NCALD: variants seen among roughly 807,000 people sequenced by gnomAD.
NCALD encodes the protein neurocalcin delta.
NCALD carries 10 observed loss-of-function variants against 18.6 expected under a neutral mutation model. The observed-to-expected ratio is 0.54, with a 90% CI of 0.33 to 0.91. The LOEUF is 0.91. NCALD is among the 40% of genes least tolerant of loss of function. The pLI is 0.03. For missense variants in NCALD, 184 were observed against 247.6 expected (o/e 0.74, Z 1.72); for synonymous variants, 88 against 87.4 (o/e 1.01, Z -0.04).
At chr8:101,765,778 A>C (rs1172756115) in intron 1 of NCALD, among the ~76,000 whole-genome samples, 2 of 152,242 alleles carry the variant, frequency 1.3e-5, no homozygotes, top group East Asian at 3.9e-4. Flanking sequence ...CAGCCATTTC[A>C]ATTAGTGCCA....
intron 2 of NCALD, among the ~76,000 whole-genome samples, chr8:102,012,287 G>C (rs960702923): frequency 6.6e-6 from 1 of 152,194 alleles, no homozygotes; most frequent in Non-Finnish European, 1.5e-5. Context: ...ACAAGCAACT[G>C]ATTGGACAGC....
chr8:101,731,199 GGAGGGTAT>G (rs1226622783), intron 1 of NCALD, among the ~76,000 whole-genome samples: 1 of 152,146 alleles, frequency 6.6e-6, no homozygotes, highest in African/African-American at 2.4e-5. Flanking sequence ...TGGCTAGAGT[GGAGGGTAT>G]GAGGGTATGA....
chr8:102,062,571 A>G (rs1823882769), intron 1 of NCALD, among the ~76,000 whole-genome samples: 1 of 152,198 alleles, frequency 6.6e-6, no homozygotes, highest in African/African-American at 2.4e-5. Flanking sequence ...TATTGCCACA[A>G]CAATGCTGTG....
chr8:102,099,604 A>T (rs568762384), intron 1 of NCALD, among the ~76,000 whole-genome samples: 1 of 150,792 alleles, frequency 6.6e-6, no homozygotes, highest in South Asian at 2.1e-4. Flanking sequence ...AGATAATGAC[A>T]TTTAGGTTGA....
At chr8:101,938,004 T>G (rs1171407896) in intron 2 of NCALD, among the ~76,000 whole-genome samples, 3 of 152,192 alleles carry the variant, frequency 2.0e-5, no homozygotes, top group Non-Finnish European at 4.4e-5. Flanking sequence ...AAGATGTTTC[T>G]GAAATCCACA....
intron 4 of NCALD, among the ~76,000 whole-genome samples, chr8:101,885,010 T>C (rs1418449920): frequency 6.6e-6 from 1 of 152,172 alleles, no homozygotes. Context: ...GCTCCCAGGC[T>C]AAAAGGGCTA....
chr8:102,035,874 C>T (rs569980124), intron 1 of NCALD, among the ~76,000 whole-genome samples: 5 of 152,238 alleles, frequency 3.3e-5, no homozygotes, highest in Admixed American at 2.0e-4. Context: ...AACCCTTTCC[C>T]CAACTAACTG....
At chr8:101,831,356 G>C (rs1007839549) in intron 4 of NCALD, among the ~76,000 whole-genome samples, 1 of 152,054 alleles carries the variant, frequency 6.6e-6, no homozygotes, top group Non-Finnish European at 1.5e-5. Flanking sequence ...TACTGCTTGG[G>C]AAGATCTACC....
At chr8:102,053,489 G>A (rs532467577) in intron 1 of NCALD, among the ~76,000 whole-genome samples, 13 of 152,212 alleles carry the variant, frequency 8.5e-5, no homozygotes, top group Admixed American at 2.6e-4. Context: ...AGCATTTTCC[G>A]TGTGTGATTC....
intron 2 of NCALD, among the ~76,000 whole-genome samples, chr8:101,994,607 G>T (rs1192104799): frequency 1.3e-5 from 2 of 152,250 alleles, no homozygotes; most frequent in South Asian, 4.1e-4. Flanking sequence ...CTGAGGAGAA[G>T]CAGCAGGGCA....
At chr8:101,772,291 G>A (rs1404685348) in intron 1 of NCALD, among the ~76,000 whole-genome samples, 3 of 152,168 alleles carry the variant, frequency 2.0e-5, no homozygotes, top group Non-Finnish European at 4.4e-5. Flanking sequence ...TAGCAAATAT[G>A]TTTATCCTGG....
chr8:102,102,260 CAATT>C (rs1403140558), intron 1 of NCALD, among the ~76,000 whole-genome samples: 2 of 152,302 alleles, frequency 1.3e-5, no homozygotes, highest in East Asian at 1.9e-4. Flanking sequence ...CCTCCTGTCA[CAATT>C]AACGCTCCAC....
chr8:101,944,597 C>T (rs1196566114), intron 2 of NCALD, among the ~76,000 whole-genome samples: 1 of 152,186 alleles, frequency 6.6e-6, no homozygotes, highest in Admixed American at 6.5e-5. Flanking sequence ...TGCCCTATAC[C>T]TGTATCACCT....
intron 3 of NCALD, among the ~76,000 whole-genome samples, chr8:101,911,547 G>A (rs915955039): frequency 3.3e-5 from 5 of 151,720 alleles, no homozygotes; most frequent in African/African-American, 4.8e-5. Flanking sequence ...CAGTAGAGAT[G>A]GGGTTTCGCC....
intron 1 of NCALD, among the ~76,000 whole-genome samples, chr8:101,774,710 T>C (rs545948899): frequency 6.6e-6 from 1 of 152,316 alleles, no homozygotes; most frequent in Admixed American, 6.5e-5. Flanking sequence ...TGAGAAGATC[T>C]ACCCAAGGCA....
In NCALD at chr8:101,890,909, A is replaced by G. The variant is rs1816850144; in HGVS notation, c.-106-3682T>C. 2.6e-5 allele frequency among the ~76,000 whole-genome samples: 4 copies of G among 152,248 alleles called. No homozygotes were observed. In the South Asian group the frequency reaches 8.3e-4, roughly 32 times the overall value. On this transcript the variant is annotated intron_variant, in intron 3 of 6. Coordinates refer to the NCALD transcript ENST00000311028. ...GATTTAACACAAATGTCCATCAACA[A>G]GAGAACAAGGAAATAACTTGAGTGA...
chr8:101,871,829 C>T (rs1012642802), intron 4 of NCALD: 4 of 459,398 alleles, frequency 8.7e-6, no homozygotes, highest in African/African-American at 7.9e-5. Context: ...CAGCTGCAGC[C>T]TCAGTCACCC....
At chr8:101,869,427 C>T (rs1477471079) in intron 4 of NCALD, among the ~76,000 whole-genome samples, 2 of 152,188 alleles carry the variant, frequency 1.3e-5, no homozygotes, top group African/African-American at 4.8e-5. Flanking sequence ...CCCCATAGGG[C>T]ATCCAGAAGG....
intron 3 of NCALD, among the ~76,000 whole-genome samples, chr8:101,897,283 G>A (rs55824424): frequency 0.067 from 9,949 of 149,168 alleles, 680 homozygotes; most frequent in African/African-American, 0.17. Flanking sequence ...ACCAAACACC[G>A]CATATTCTCA....
Sources: allele counts gnomAD v4.1 joint callset (sites outside exome capture counted in the v4.1 genomes callset), GRCh38; gene constraint gnomAD v4.1.1; transcripts MANE v1.5; gene names NCBI Gene and HGNC (gene_info 2026-07-23, HGNC 2026-07-21).